The following USP14 variants were observed in gnomAD, a reference collection of about 807,000 sequenced individuals.
USP14 encodes ubiquitin carboxyl-terminal hydrolase 14.
In USP14, 38 loss-of-function variants were observed where a neutral mutation model predicts 76.5. The ratio of observed to expected loss-of-function variants is 0.50; its 90% CI spans 0.38 to 0.65. The LOEUF (loss-of-function observed/expected upper bound fraction) is 0.65, where lower values mean the gene tolerates loss of function less well. USP14 is among the 30% of genes least tolerant of loss of function. The pLI, the probability that USP14 is intolerant of heterozygous loss-of-function variation, is 0.00. For synonymous variants in USP14, 192 were observed against 191.7 expected (o/e 1.00, Z -0.01); for missense variants, 467 against 586.5 (o/e 0.80, Z 2.10).
Position 212,825 on chromosome 18 carries a change from TAA to T in USP14, c.*1543_*1544del, listed in dbSNP as rs924535724. 6.6e-6 allele frequency: 1 copy of T among 152,244 alleles called. No homozygotes were observed. Among genetic ancestry groups the T allele is most frequent in the Non-Finnish European group, 1.5e-5 (1 of 68,042 alleles). The allele number at this position is 152,244 out of a possible 1,614,324, so 9.4% of individuals were successfully genotyped here. On this transcript the variant is annotated 3_prime_UTR_variant, in exon 16 of 16. Transcript: ENST00000261601. ...GGCTCTGATTTTGAGTTATTTATAA[TAA>T]AGTTTGGGGATTATCATAACATCTC...
intron 5 of USP14, among the ~76,000 whole-genome samples, chr18:181,410 T>G (rs1407933833): frequency 6.6e-6 from 1 of 151,920 alleles, no homozygotes; most frequent in Non-Finnish European, 1.5e-5. Flanking sequence ...GTCATGCACA[T>G]TTTTTTTAGT....
At chr18:189,632 G>A (rs1328151457) in intron 5 of USP14, among the ~76,000 whole-genome samples, 1 of 152,068 alleles carries the variant, frequency 6.6e-6, no homozygotes, top group Admixed American at 6.6e-5. Context: ...ACAGGCGCGT[G>A]TCACAACGCC....
At chr18:210,257 A>C (rs1910634520) in intron 14 of USP14, 129 bp from the exon 15 acceptor site, 1 of 739,698 alleles carries the variant, frequency 1.4e-6, no homozygotes, top group East Asian at 2.7e-5. Context: ...CTATGATTGG[A>C]CAGTAGTATC....
rs1226950816 is a variant in USP14 at position 202,934 on chromosome 18, T to C, written c.931T>C (p.Tyr311His). 1 of 1,614,162 alleles carries C rather than the reference T, an allele frequency of 6.2e-7. No homozygotes were observed. Among genetic ancestry groups the C allele is most frequent in the East Asian group, 2.2e-5 (1 of 44,862 alleles). The change falls in exon 11 of 16, where the codon TAT becomes CAT. Residue 311 changes from tyrosine to histidine, a missense_variant. Physicochemically the swap from Tyr to His is moderately conservative, Grantham distance 83. Transcript: ENST00000261601. ...QSPTLQRNAL[Y>H]IKSSKISRLP... The stretch of plus-strand genomic sequence containing the variant: ...TCCAACGTTGCAAAGAAATGCCTTG[T>C]ATATCAAATCTGTAAGTTATGCAGT...
At chr18:161,051 G>A (rs990914799) in intron 1 of USP14, among the ~76,000 whole-genome samples, 2 of 151,908 alleles carry the variant, frequency 1.3e-5, no homozygotes, top group African/African-American at 2.4e-5. Context: ...CCTCAGTCTC[G>A]CGAGTAGCTG....
rs772538491 is a variant in USP14 at position 179,084 on chromosome 18, AC to A, written c.300+49del. ...GTGTTTGATCACTACTTTTTGAAGG[AC>A]CATTATTAAGGTGTCTTTCAGAAAG... On this transcript the variant is annotated intron_variant, in intron 4 of 15. Transcript: ENST00000261601. 1.1e-5 allele frequency: 15 copies of A among 1,378,386 alleles called. No homozygotes were observed. The East Asian group carries it at 3.0e-4, about 28-fold the overall frequency. The allele number at this position is 1,378,386 out of a possible 1,614,324, so 85.4% of individuals were successfully genotyped here.
At chr18:174,529 G>T (rs1289404907) in intron 3 of USP14, among the ~76,000 whole-genome samples, 1 of 151,576 alleles carries the variant, frequency 6.6e-6, no homozygotes, top group South Asian at 2.1e-4. Flanking sequence ...GCCTCCCCAA[G>T]TGCTGGGATT....
intron 8 of USP14, 73 bp downstream of exon 8, chr18:197,769 A>G (rs1598276942): frequency 8.3e-7 from 1 of 1,208,500 alleles, no homozygotes; most frequent in East Asian, 2.4e-5. Context: ...TTTCCCCTCA[A>G]AGGCTTAAAA....
chr18:178,021 T>C (rs1188744064), intron 3 of USP14, among the ~76,000 whole-genome samples: 1 of 152,010 alleles, frequency 6.6e-6, no homozygotes, highest in Non-Finnish European at 1.5e-5. Flanking sequence ...TTTGTTTGTT[T>C]GTTTGTTATA....
At chr18:172,964 C>T (rs948584066) in intron 3 of USP14, among the ~76,000 whole-genome samples, 1 of 152,222 alleles carries the variant, frequency 6.6e-6, no homozygotes, top group Admixed American at 6.5e-5. Flanking sequence ...ATAATTTTAT[C>T]TAAGTCAGTT....
At chr18:174,092 G>C (rs1909554046) in intron 3 of USP14, among the ~76,000 whole-genome samples, 1 of 152,028 alleles carries the variant, frequency 6.6e-6, no homozygotes, top group Admixed American at 6.6e-5. Context: ...TTCTCCATAA[G>C]AGTCTGCTGG....
At chr18:163,208 T>C (rs1909172594) in intron 1 of USP14, 100 bp from the exon 2 acceptor site, 1 of 1,082,990 alleles carries the variant, frequency 9.2e-7, no homozygotes, top group Non-Finnish European at 1.3e-6. Flanking sequence ...ATGAATGACA[T>C]GTTTTGACTC....
chr18:180,209 T>TC, intron 4 of USP14, 27 bp from the exon 5 acceptor site: 1 of 1,245,494 alleles, frequency 8.0e-7, no homozygotes, highest in South Asian at 1.4e-5. Flanking sequence ...AATGATTTAA[T>TC]CCTTTTTTTT....
At chr18:181,097 A>G (rs1274328108) in intron 5 of USP14, among the ~76,000 whole-genome samples, 3 of 152,156 alleles carry the variant, frequency 2.0e-5, no homozygotes, top group African/African-American at 7.2e-5. Flanking sequence ...TTATGGCTGA[A>G]TAGTATTTCA....
At chr18:173,322 A>G (rs534625985) in intron 3 of USP14, among the ~76,000 whole-genome samples, 8 of 151,680 alleles carry the variant, frequency 5.3e-5, no homozygotes, top group Middle Eastern at 3.4e-3. Context: ...CATGTTAGCC[A>G]GGATGGTCTC....
intron 1 of USP14, among the ~76,000 whole-genome samples, chr18:161,728 A>C (rs537099518): frequency 5.1e-4 from 78 of 152,334 alleles, no homozygotes; most frequent in Non-Finnish European, 1.1e-3. Context: ...AGGAGTTGGA[A>C]AGCAATTAAC....
intron 5 of USP14, among the ~76,000 whole-genome samples, chr18:181,075 C>T (rs1353480419): frequency 1.3e-5 from 2 of 151,728 alleles, no homozygotes; most frequent in African/African-American, 4.8e-5. Flanking sequence ...CACGTAACAC[C>T]TCATTCCTAT....
intron 5 of USP14, among the ~76,000 whole-genome samples, chr18:186,401 A>T (rs1038865855): frequency 6.6e-6 from 1 of 152,166 alleles, no homozygotes; most frequent in African/African-American, 2.4e-5. Context: ...AACTGCAGTG[A>T]GCTGTGATGA....
intron 1 of USP14, chr18:158,952 G>C (rs946174745): frequency 4.1e-6 from 2 of 485,634 alleles, no homozygotes; most frequent in Non-Finnish European, 3.2e-6. Flanking sequence ...GTGGAGATGG[G>C]GAAGCCTCTC....
Sources: gnomAD v4.1 joint callset for allele counts (sites outside exome capture counted in the v4.1 genomes callset) on GRCh38, gnomAD v4.1.1 for gene constraint, MANE v1.5 for transcripts, NCBI Gene and HGNC (gene_info 2026-07-23, HGNC 2026-07-21) for gene names.